Variants in ATF7IP2 observed in about 807,000 individuals in gnomAD.
ATF7IP2 encodes the protein activating transcription factor 7 interacting protein 2, also known as activating transcription factor 7-interacting protein 2.
A neutral mutation model predicts 64.2 loss-of-function variants in ATF7IP2; 42 were observed. The ratio of observed to expected loss-of-function variants is 0.65; its 90% CI spans 0.51 to 0.85. The LOEUF is 0.85. ATF7IP2 is among the 40% of genes least tolerant of loss of function. The pLI, the probability that ATF7IP2 is intolerant of heterozygous loss-of-function variation, is 0.00. For synonymous variants in ATF7IP2, 308 were observed against 272.8 expected, an observed-to-expected ratio of 1.13 and a Z score of -1.27; for missense variants, 933 against 784.2, an observed-to-expected ratio of 1.19 and a Z score of -2.27.
chr16:10,401,334 A>AT (rs1596440429), intron 1 of ATF7IP2, among the ~76,000 whole-genome samples: 1 of 151,390 alleles, frequency 6.6e-6, no homozygotes, highest in Admixed American at 6.6e-5. Context: ...TGCCTGGCTC[A>AT]TTTTTTTGTA....
At chr16:10,464,122 C>T (rs553498583) in intron 9 of ATF7IP2, among the ~76,000 whole-genome samples, 1 of 152,322 alleles carries the variant, frequency 6.6e-6, no homozygotes, top group Admixed American at 6.5e-5. Context: ...GCTGCCACCA[C>T]AGCTTTCTAA....
intron 8 of ATF7IP2, among the ~76,000 whole-genome samples, chr16:10,442,723 C>A (rs1010877980): frequency 2.0e-5 from 3 of 151,990 alleles, no homozygotes; most frequent in Admixed American, 6.6e-5. Flanking sequence ...ACGATACAGA[C>A]TCCATCTTTT....
intron 6 of ATF7IP2, among the ~76,000 whole-genome samples, chr16:10,437,519 A>C (rs1364276490): frequency 6.6e-6 from 1 of 152,152 alleles, no homozygotes; most frequent in Non-Finnish European, 1.5e-5. Context: ...TTATGTTCCT[A>C]TAAAAATCCT....
chr16:10,400,637 G>A (rs1051818171), intron 1 of ATF7IP2, among the ~76,000 whole-genome samples: 1 of 152,110 alleles, frequency 6.6e-6, no homozygotes, highest in Admixed American at 6.6e-5. Context: ...TGTTGTATAT[G>A]GCCTTATGGC....
At chr16:10,458,571 G>C (rs908011181) in intron 9 of ATF7IP2, among the ~76,000 whole-genome samples, 1 of 152,162 alleles carries the variant, frequency 6.6e-6, no homozygotes, top group Non-Finnish European at 1.5e-5. Flanking sequence ...GTGCGGATAG[G>C]TGTAACAAAT....
chr16:10,478,389 C>T (rs1357284423), intron 12 of ATF7IP2, among the ~76,000 whole-genome samples: 1 of 152,150 alleles, frequency 6.6e-6, no homozygotes. Context: ...ACTTGAGAAA[C>T]ACAAGCAATG....
chr16:10,436,309 C>T (rs2048416887), intron 6 of ATF7IP2, among the ~76,000 whole-genome samples: 1 of 152,094 alleles, frequency 6.6e-6, no homozygotes, highest in South Asian at 2.1e-4. Context: ...TTGCAGTGAG[C>T]CGGGATCACG....
intron 3 of ATF7IP2, among the ~76,000 whole-genome samples, chr16:10,428,161 G>A (rs1033690898): frequency 2.6e-5 from 4 of 152,210 alleles, no homozygotes; most frequent in Admixed American, 2.6e-4. Flanking sequence ...GAGAAGAGGT[G>A]CAAGGGGCAT....
At chr16:10,475,419 C>T (rs565603213) in intron 12 of ATF7IP2, among the ~76,000 whole-genome samples, 14 of 152,156 alleles carry the variant, frequency 9.2e-5, no homozygotes, top group Non-Finnish European at 1.6e-4. Context: ...TGGCTGGGCG[C>T]GGTGGCTCAC....
chr16:10,457,257 T>C (rs1296768959), intron 8 of ATF7IP2, 115 bp from the exon 9 acceptor site: 11 of 856,982 alleles, frequency 1.3e-5, no homozygotes, highest in African/African-American at 3.5e-5. Context: ...ATACATGTGA[T>C]TTAACTTATG....
chr16:10,457,689 GT>G (rs376910055), intron 9 of ATF7IP2, 160 bp downstream of exon 9: 525 of 517,150 alleles, frequency 1.0e-3, no homozygotes, highest in Middle Eastern at 1.8e-3. Flanking sequence ...AGTTGTGGGG[GT>G]TTTTTTTTGG....
chr16:10,397,278 C>A (rs1234050962), intron 1 of ATF7IP2, among the ~76,000 whole-genome samples: 1 of 152,038 alleles, frequency 6.6e-6, no homozygotes, highest in Non-Finnish European at 1.5e-5. Context: ...CAGCTTTATT[C>A]TTTTTGCTTA....
chr16:10,473,998 AT>A lies in ATF7IP2; in HGVS notation c.1549+15del. On this transcript the variant is annotated intron_variant, in intron 12 of 13. Coordinates refer to ENST00000562102, the MANE Select transcript of ATF7IP2 (RefSeq NM_001393719.1). ...ATCCAACTGCAATACAGGTAAAAGG[AT>A]TTTTTAGATCTTTCTTTTGTAAAAA... 1.3e-6 allele frequency: 2 copies of A among 1,557,740 alleles called. No homozygotes were observed. Among genetic ancestry groups the A allele is most frequent in the Non-Finnish European group, 1.8e-6 (2 of 1,137,248 alleles).
intron 8 of ATF7IP2, among the ~76,000 whole-genome samples, chr16:10,443,539 A>G (rs530349310): frequency 1.9e-4 from 29 of 152,350 alleles, no homozygotes; most frequent in South Asian, 8.3e-4. Flanking sequence ...AGAATATTCA[A>G]TTCATTCCAT....
In ATF7IP2 at chr16:10,481,967, C is replaced by T. The variant is rs1970817; in HGVS notation, c.1767C>T (p.Pro589=). 6.2e-7 allele frequency: 1 copy of T among 1,613,670 alleles called. No individual in the cohort carries two copies. ...PELKVKRVFR[P]NGIALTWNIT... is the part of the protein sequence containing the mutation. ...TCAAAGTGAAACGGGTTTTCAGACC[C>T]AATGGCATTGCCCTGACTTGGAATA... The change falls in exon 14 of 14, where the codon CCC becomes CCT. Residue 589 remains proline (P), a synonymous_variant. Coordinates refer to ENST00000562102, the MANE Select transcript of ATF7IP2 (RefSeq NM_001393719.1).
At chr16:10,408,425 C>T (rs1184378449) in intron 1 of ATF7IP2, among the ~76,000 whole-genome samples, 1 of 152,154 alleles carries the variant, frequency 6.6e-6, no homozygotes, top group Non-Finnish European at 1.5e-5. Flanking sequence ...CACTGTTTTC[C>T]ATGATGGTTG....
At chr16:10,395,982 T>C (rs1020932835) in intron 1 of ATF7IP2, among the ~76,000 whole-genome samples, 2 of 152,040 alleles carry the variant, frequency 1.3e-5, no homozygotes, top group Non-Finnish European at 2.9e-5. Context: ...AAGTAAAATA[T>C]ACACGGATAA....
intron 8 of ATF7IP2, among the ~76,000 whole-genome samples, chr16:10,451,859 C>G (rs934179209): frequency 1.3e-5 from 2 of 151,946 alleles, no homozygotes; most frequent in African/African-American, 4.8e-5. Flanking sequence ...CAAGACCACC[C>G]TAGCCAACAT....
At chr16:10,453,529 GCCAT>G (rs1327104402) in intron 8 of ATF7IP2, among the ~76,000 whole-genome samples, 1 of 152,178 alleles carries the variant, frequency 6.6e-6, no homozygotes, top group Non-Finnish European at 1.5e-5. Flanking sequence ...TTCCTATTCA[GCCAT>G]CTTGCCAGCA....
Sources: gnomAD v4.1 joint callset for allele counts (sites outside exome capture counted in the v4.1 genomes callset) on GRCh38, gnomAD v4.1.1 for gene constraint, MANE v1.5 for transcripts, NCBI Gene and HGNC (gene_info 2026-07-23, HGNC 2026-07-21) for gene names.